The following RIMS2 variants were observed in gnomAD, a reference collection of about 807,000 sequenced individuals.
RIMS2 encodes regulating synaptic membrane exocytosis 2.
RIMS2 carries 59 observed loss-of-function variants against 174.4 expected under a neutral mutation model. The ratio of observed to expected loss-of-function variants is 0.34; its 90% confidence interval spans 0.27 to 0.42. RIMS2 has a LOEUF of 0.42. Among genes scored for constraint, RIMS2 ranks in the 10% least tolerant of loss-of-function variants. RIMS2 has a pLI of 1.00. For missense variants in RIMS2, 1,620 were observed against 1,666.3 expected, an observed-to-expected ratio of 0.97 and a Z score of 0.48; for synonymous variants, 606 against 572.5, an observed-to-expected ratio of 1.06 and a Z score of -0.84.
rs192229302 is a variant in RIMS2 at position 104,035,847 on chromosome 8, T to G, written c.3334+21232T>G. ...GAATTGTTGTAAAATAAACATATTT[T>G]ATTCTTAATTGAAAAAATTTATGTA... is the stretch of plus-strand genomic sequence containing the variant. On this transcript the variant is annotated intron_variant, in intron 19 of 23. Coordinates refer to ENST00000504942, the Ensembl canonical transcript of RIMS2. 2.5e-3 allele frequency among the ~76,000 whole-genome samples: 381 copies of G among 152,230 alleles called. 2 individuals are homozygous for G. The highest frequency in any genetic ancestry group is 8.5e-3 in the African/African-American group (354 of 41,568).
At chr8:103,646,928 G>A (rs2096347272) in intron 1 of RIMS2, among the ~76,000 whole-genome samples, 1 of 152,150 alleles carries the variant, frequency 6.6e-6, no homozygotes, top group African/African-American at 2.4e-5. Context: ...CAAGAAGAAT[G>A]TTTCCAGCTT....
At chr8:103,612,110 T>C (rs961127589) in intron 1 of RIMS2, among the ~76,000 whole-genome samples, 1 of 152,232 alleles carries the variant, frequency 6.6e-6, no homozygotes, top group Non-Finnish European at 1.5e-5. Flanking sequence ...TTTTTGTAAC[T>C]CTAGAATTTC....
chr8:104,035,570 G>T (rs1439910453), intron 19 of RIMS2, among the ~76,000 whole-genome samples: 1 of 151,318 alleles, frequency 6.6e-6, no homozygotes, highest in Non-Finnish European at 1.5e-5. Context: ...TTTAGGAAAA[G>T]TAAATATTCA....
intron 19 of RIMS2, among the ~76,000 whole-genome samples, chr8:104,075,168 C>T (rs1235597086): frequency 6.6e-6 from 1 of 152,020 alleles, no homozygotes; most frequent in Non-Finnish European, 1.5e-5. Flanking sequence ...GGAAGAGCTG[C>T]TGCAGCGTCA....
chr8:104,243,920 C>A (rs2099316731), intron 19 of RIMS2, among the ~76,000 whole-genome samples: 1 of 152,244 alleles, frequency 6.6e-6, no homozygotes, highest in Non-Finnish European at 1.5e-5. Flanking sequence ...ACCCACTCCC[C>A]CATTACTTTA....
chr8:103,909,279 G>GAT (rs1490925116), intron 4 of RIMS2, among the ~76,000 whole-genome samples: 54 of 151,914 alleles, frequency 3.6e-4, no homozygotes, highest in African/African-American at 1.3e-3. Flanking sequence ...AATTTTAAAA[G>GAT]ATATATGTAC....
chr8:103,528,710 A>G (rs1835356232), intron 1 of RIMS2, among the ~76,000 whole-genome samples: 1 of 152,000 alleles, frequency 6.6e-6, no homozygotes, highest in Admixed American at 6.6e-5. Flanking sequence ...GTGGATGTGT[A>G]GTATTATTTC....
intron 3 of RIMS2, among the ~76,000 whole-genome samples, chr8:103,779,193 G>A (rs1268730059): frequency 6.6e-6 from 1 of 152,012 alleles, no homozygotes; most frequent in East Asian, 1.9e-4. Flanking sequence ...GCCATTATAT[G>A]GGTTGTCTCT....
At chr8:103,937,229 A>G (rs1595481207) in intron 13 of RIMS2, among the ~76,000 whole-genome samples, 1 of 152,366 alleles carries the variant, frequency 6.6e-6, no homozygotes, top group Non-Finnish European at 1.5e-5. Context: ...AGTTGATACT[A>G]TAGAAAACAG....
chr8:103,833,315 A>G (rs2098837311), intron 3 of RIMS2, among the ~76,000 whole-genome samples: 1 of 151,986 alleles, frequency 6.6e-6, no homozygotes, highest in Non-Finnish European at 1.5e-5. Context: ...TGTGTATAAT[A>G]GTCTTGTTAT....
intron 2 of RIMS2, among the ~76,000 whole-genome samples, chr8:103,724,160 G>A (rs1027882461): frequency 1.3e-4 from 19 of 151,036 alleles, no homozygotes; most frequent in Non-Finnish European, 1.2e-4. Flanking sequence ...TCTTCGATGT[G>A]TCTGTTCTTA....
chr8:103,793,590 G>T (rs1214763150), intron 3 of RIMS2, among the ~76,000 whole-genome samples: 3 of 152,158 alleles, frequency 2.0e-5, no homozygotes, highest in African/African-American at 7.2e-5. Flanking sequence ...GGGCAATCAG[G>T]CAGGAGAAAG....
At chr8:103,866,512 T>C (rs1351144283) in intron 3 of RIMS2, among the ~76,000 whole-genome samples, 1 of 152,098 alleles carries the variant, frequency 6.6e-6, no homozygotes, top group Non-Finnish European at 1.5e-5. Context: ...TTTTGGTAAC[T>C]TATTTTGGTA....
chr8:103,506,195 A>G (rs994695307), intron 1 of RIMS2, among the ~76,000 whole-genome samples: 1 of 152,148 alleles, frequency 6.6e-6, no homozygotes, highest in African/African-American at 2.4e-5. Context: ...GACATTTTAT[A>G]AGAAAACAAG....
At chr8:103,682,847 C>T (rs1590240191) in intron 1 of RIMS2, among the ~76,000 whole-genome samples, 1 of 152,152 alleles carries the variant, frequency 6.6e-6, no homozygotes, top group South Asian at 2.1e-4. Flanking sequence ...GTTCTTCCTA[C>T]AGCTGGAACC....
intron 3 of RIMS2, among the ~76,000 whole-genome samples, chr8:103,850,416 C>T (rs767739262): frequency 6.6e-6 from 1 of 151,916 alleles, no homozygotes; most frequent in Non-Finnish European, 1.5e-5. Context: ...GTCCCCAAGT[C>T]GTTGACAGCT....
chr8:103,914,470 C>A (rs2076298577), intron 6 of RIMS2, among the ~76,000 whole-genome samples: 1 of 152,026 alleles, frequency 6.6e-6, no homozygotes, highest in Non-Finnish European at 1.5e-5. Flanking sequence ...TTTAAGATAT[C>A]AATAATCATT....
intron 15 of RIMS2, among the ~76,000 whole-genome samples, chr8:103,964,343 A>G (rs182283220): frequency 5.4e-4 from 83 of 152,294 alleles, no homozygotes; most frequent in African/African-American, 1.8e-3. Context: ...TGGTGTTGTC[A>G]GTGTTCTGAC....
At chr8:103,557,322 A>G (rs1210809013) in intron 1 of RIMS2, among the ~76,000 whole-genome samples, 2 of 152,168 alleles carry the variant, frequency 1.3e-5, no homozygotes, top group Non-Finnish European at 2.9e-5. Context: ...AAGCCCTTTC[A>G]AGGCTCTTCT....
Sources: gnomAD v4.1 joint callset for allele counts (sites outside exome capture counted in the v4.1 genomes callset) on GRCh38, gnomAD v4.1.1 for gene constraint, MANE v1.5 for transcripts, NCBI Gene and HGNC (gene_info 2026-07-23, HGNC 2026-07-21) for gene names.